Variants in PTK2 observed in about 807,000 individuals in gnomAD.
PTK2 encodes the protein focal adhesion kinase 1.
Under a neutral mutation model 150.1 loss-of-function variants are expected in PTK2, and 45 were observed. That is an observed-to-expected ratio of 0.30 (90% confidence interval 0.24 to 0.38). The LOEUF (loss-of-function observed/expected upper bound fraction) is 0.38, where lower values mean the gene tolerates loss of function less well. Among genes scored for constraint, PTK2 ranks in the 10% least tolerant of loss-of-function variants. The pLI is 1.00. For missense variants in PTK2, 919 were observed against 1,307.3 expected, an observed-to-expected ratio of 0.70 and a Z score of 4.58; for synonymous variants, 432 against 449.2, an observed-to-expected ratio of 0.96 and a Z score of 0.48.
chr8:140,747,144 C>T (rs764693491), intron 17 of PTK2: 11 of 257,148 alleles, frequency 4.3e-5, no homozygotes, highest in Non-Finnish European at 6.7e-5. Context: ...CCCGCCTTGG[C>T]CTCCCAAAGT....
rs888528613 is a variant in PTK2, at chr8:140,751,078, CA to C, written c.1417+1153del. On this transcript the variant is annotated intron_variant, in intron 17 of 31. Coordinates refer to ENST00000522684, the Ensembl canonical transcript of PTK2. ...GCGAGACCCGAGACAGACACTGCCT[CA>C]AAAAAAAAAAGATAAGTGTTTCTAG... is the stretch of plus-strand genomic sequence containing the variant. Among the ~76,000 whole-genome samples, 705 of 144,686 alleles carry C rather than the reference CA, an allele frequency of 4.9e-3. 4 individuals are homozygous for C. Among genetic ancestry groups the C allele is most frequent in the African/African-American group, 0.016 (646 of 39,716 alleles). The allele number at this position is 144,686 out of a possible 152,430, so 94.9% of individuals were successfully genotyped here. A position where few individuals can be genotyped will look rare whatever the true frequency, so the allele number is the denominator to read the frequency against.
At chr8:140,774,660 T>G (rs1360292062) in intron 14 of PTK2, among the ~76,000 whole-genome samples, 1 of 152,144 alleles carries the variant, frequency 6.6e-6, no homozygotes, top group Non-Finnish European at 1.5e-5. Flanking sequence ...AGGAGGTTGA[T>G]AGAAGATACA....
chr8:140,847,690 G>A (rs1167711534), intron 5 of PTK2, among the ~76,000 whole-genome samples: 1 of 152,022 alleles, frequency 6.6e-6, no homozygotes, highest in African/African-American at 2.4e-5. Context: ...TTCTTGTTCT[G>A]TACTTTCATA....
intron 14 of PTK2, among the ~76,000 whole-genome samples, chr8:140,777,636 T>C (rs1430098411): frequency 6.6e-6 from 1 of 152,228 alleles, no homozygotes; most frequent in Non-Finnish European, 1.5e-5. Flanking sequence ...TAAACTCCCA[T>C]TAGCTTCCTG....
Position 140,821,395 on chromosome 8 carries a change from G to A in PTK2, c.649-2375C>T, listed in dbSNP as rs149062057. ...TGAAGAAGAGAAATGGGCACTTTTG[G>A]GACATTTGGATGATCATATGCAAGA... On this transcript the variant is annotated intron_variant, in intron 8 of 31. Transcript: ENST00000522684. 1,360 of 152,294 alleles carry A rather than the reference G, an allele frequency of 8.9e-3. 17 individuals are homozygous for A. The highest frequency in any genetic ancestry group is 0.011 in the Non-Finnish European group (763 of 68,048). 9.4% of individuals were successfully genotyped at this position (152,294 alleles called of 1,614,324 possible).
chr8:140,808,531 AAAG>A lies in PTK2; in HGVS notation c.868-4884_868-4882del, dbSNP rs772925273. On this transcript the variant is annotated intron_variant, in intron 10 of 31. Coordinates refer to ENST00000522684, the Ensembl canonical transcript of PTK2. ...TTATAAAAATCATACGCTTGGCCAT[AAAG>A]AAGATCTTAACAACTGTGAAACAGT... is the stretch of plus-strand genomic sequence containing the variant. 6.0e-4 allele frequency among the ~76,000 whole-genome samples: 91 copies of A among 152,300 alleles called. No homozygotes were observed. The Middle Eastern group carries it at 0.014, about 23-fold the overall frequency.
At chr8:140,742,100 C>A (rs1465146113) in intron 20 of PTK2, among the ~76,000 whole-genome samples, 1 of 152,200 alleles carries the variant, frequency 6.6e-6, no homozygotes, top group African/African-American at 2.4e-5. Context: ...TGCGCCACTG[C>A]ACTCCAGCCT....
intron 11 of PTK2, 68 bp from the exon 12 acceptor site, chr8:140,800,644 A>G: frequency 1.7e-6 from 2 of 1,199,464 alleles, no homozygotes. Flanking sequence ...CAGCTGTGCT[A>G]TGACATCAGA....
chr8:140,687,627 T>C (rs2100020743), intron 26 of PTK2, among the ~76,000 whole-genome samples: 1 of 152,166 alleles, frequency 6.6e-6, no homozygotes, highest in Admixed American at 6.5e-5. Context: ...GATGGAGAAA[T>C]GAGCTTCACC....
exon 26 of PTK2, chr8:140,700,913 A>T: frequency 6.2e-7 from 1 of 1,613,934 alleles, no homozygotes; most frequent in East Asian, 2.2e-5. Context: ...CTCTTTTTCC[A>T]GCCAGCGCTG....
chr8:140,917,296 C>A (rs553249478), intron 2 of PTK2, among the ~76,000 whole-genome samples: 69 of 150,686 alleles, frequency 4.6e-4, no homozygotes, highest in African/African-American at 1.6e-3. Flanking sequence ...GAGGCTGAGG[C>A]AGAACTGCTT....
chr8:140,921,708 T>C (rs532592394), intron 2 of PTK2, among the ~76,000 whole-genome samples: 7 of 152,334 alleles, frequency 4.6e-5, no homozygotes, highest in South Asian at 4.1e-4. Context: ...TTAGGGAATA[T>C]TGAGGTATCC....
At chr8:140,692,968 A>G (rs2100024095) in intron 26 of PTK2, among the ~76,000 whole-genome samples, 1 of 152,202 alleles carries the variant, frequency 6.6e-6, no homozygotes, top group African/African-American at 2.4e-5. Flanking sequence ...CTCAAAACAC[A>G]AAGTAGGCTT....
chr8:140,931,607 A>G (rs2100171800), intron 1 of PTK2, among the ~76,000 whole-genome samples: 1 of 152,118 alleles, frequency 6.6e-6, no homozygotes, highest in Non-Finnish European at 1.5e-5. Context: ...TATATTGTTC[A>G]CTATAGATTT....
At chr8:140,947,088 C>G (rs1244614737) in intron 1 of PTK2, among the ~76,000 whole-genome samples, 1 of 152,194 alleles carries the variant, frequency 6.6e-6, no homozygotes, top group Admixed American at 6.5e-5. Context: ...TTCGTACATT[C>G]TAATTTAACT....
At chr8:140,800,605 C>A in intron 11 of PTK2, 29 bp from the exon 12 acceptor site, 1 of 1,538,668 alleles carries the variant, frequency 6.5e-7, no homozygotes, top group Non-Finnish European at 9.0e-7. Flanking sequence ...AGAAAACAGA[C>A]TTCATTGTTC....
intron 1 of PTK2, among the ~76,000 whole-genome samples, chr8:140,980,112 T>C (rs1357684943): frequency 6.6e-6 from 1 of 152,220 alleles, no homozygotes; most frequent in East Asian, 1.9e-4. Context: ...TCCATGTCTA[T>C]GAGCAATAAG....
intron 5 of PTK2, among the ~76,000 whole-genome samples, chr8:140,863,406 C>G (rs1036828195): frequency 6.6e-6 from 1 of 152,114 alleles, no homozygotes; most frequent in Non-Finnish European, 1.5e-5. Flanking sequence ...CATTTGCTAA[C>G]TAACGTTTTT....
At chr8:140,733,658 T>A (rs1245827375) in intron 22 of PTK2, among the ~76,000 whole-genome samples, 1 of 152,022 alleles carries the variant, frequency 6.6e-6, no homozygotes, top group Non-Finnish European at 1.5e-5. Context: ...GGTGAGAGAA[T>A]AGGCAGTTAA....
Sources: allele counts gnomAD v4.1 joint callset (sites outside exome capture counted in the v4.1 genomes callset), GRCh38; gene constraint gnomAD v4.1.1; transcripts MANE v1.5; gene names NCBI Gene and HGNC (gene_info 2026-07-23, HGNC 2026-07-21).